RAE1: variants seen among roughly 807,000 people sequenced by gnomAD.
The protein encoded by RAE1 is mRNA export factor RAE1.
Under a neutral mutation model 52.7 loss-of-function variants are expected in RAE1, and 13 were observed. The ratio of observed to expected loss-of-function variants is 0.25; its 90% CI spans 0.16 to 0.39. The LOEUF is 0.39. RAE1 is among the 10% of genes least tolerant of loss of function. RAE1 has a pLI of 1.00. For missense variants in RAE1, 262 were observed against 459.8 expected, an observed-to-expected ratio of 0.57 and a Z score of 3.93; for synonymous variants, 164 against 153.1, an observed-to-expected ratio of 1.07 and a Z score of -0.52.
At chr20:57,359,176 C>T in intron 4 of RAE1, 1 of 493,016 alleles carries the variant, frequency 2.0e-6, no homozygotes, top group Non-Finnish European at 3.3e-6. Flanking sequence ...TTTTGGTAAA[C>T]AGGCGGGGTA....
intron 4 of RAE1, among the ~76,000 whole-genome samples, chr20:57,360,775 T>G (rs1055939675): frequency 1.3e-5 from 2 of 152,198 alleles, no homozygotes; most frequent in Non-Finnish European, 2.9e-5. Flanking sequence ...TAAATATTAG[T>G]ATAGCTTAGT....
intron 4 of RAE1, chr20:57,357,751 C>G (rs1439043101): frequency 6.6e-6 from 1 of 151,512 alleles, no homozygotes; most frequent in African/African-American, 2.5e-5. Context: ...GATGTTGAAG[C>G]CTGAGACTAA....
At chr20:57,356,582 C>G in intron 4 of RAE1, 44 bp downstream of exon 4, 1 of 1,493,396 alleles carries the variant, frequency 6.7e-7, no homozygotes, top group African/African-American at 1.4e-5. Context: ...ACTTAAAGTA[C>G]AGAATGATTT....
At position 57,370,650 on chromosome 20, in the gene RAE1, A is replaced by C. The variant is rs536214890; in HGVS notation, c.642+1838A>C. Among the ~76,000 whole-genome samples the C allele has an allele frequency of 3.0e-3, 450 of 152,230 alleles. 2 individuals carry two copies. The highest frequency in any genetic ancestry group is 0.01 in the African/African-American group (428 of 41,516). On this transcript the variant is annotated intron_variant, in intron 8 of 11. Coordinates refer to ENST00000395841, the MANE Select transcript of RAE1 (RefSeq NM_003610.4). ...CTACATTCTGTAGCTCTTTATTCAC[A>C]TGTTACCCTTGCCTCAGGATTCTCC...
intron 4 of RAE1, chr20:57,358,226 T>C (rs1009040744): frequency 2.0e-5 from 3 of 152,174 alleles, no homozygotes; most frequent in Non-Finnish European, 4.4e-5. Context: ...CATCAAAAAA[T>C]GGTTCAAGCA....
intron 11 of RAE1, among the ~76,000 whole-genome samples, chr20:57,377,786 ACT>A (rs1369816594): frequency 2.0e-5 from 3 of 148,894 alleles, no homozygotes; most frequent in Admixed American, 1.3e-4. Flanking sequence ...CTACTCACAG[ACT>A]CTCTCAGTAG....
intron 4 of RAE1, among the ~76,000 whole-genome samples, chr20:57,361,253 G>T (rs2066888289): frequency 6.6e-6 from 1 of 152,116 alleles, no homozygotes; most frequent in South Asian, 2.1e-4. Context: ...ACTTTCAGAG[G>T]GTTATGCTCA....
Position 57,354,111 on chromosome 20 carries a change from A to G in RAE1, c.73A>G (p.Asn25Asp), listed in dbSNP as rs764416874. The change falls in exon 2 of 12, where the codon AAT (asparagine) becomes GAT (aspartate). Residue 25 changes from asparagine to aspartate, a missense_variant. By Grantham distance (23) the Asn-to-Asp change is conservative. Coordinates refer to ENST00000395841, the MANE Select transcript of RAE1 (RefSeq NM_003610.4). ...TSMFGSATTD[N>D]HNPMKDIEVT... is the part of the protein sequence containing the mutation. ...CATGTTTGGCAGTGCAACTACAGAC[A>G]ATCACAATCCCATGAAGGTACCACG... is the stretch of plus-strand genomic sequence containing the variant. 9 of 1,613,972 alleles carry G rather than the reference A, an allele frequency of 5.6e-6. No homozygotes were observed. Among genetic ancestry groups the G allele is most frequent in the Non-Finnish European group, 1.7e-6 (2 of 1,179,924 alleles).
At chr20:57,367,739 C>CAAAAA (rs374097734) in intron 7 of RAE1, among the ~76,000 whole-genome samples, 1 of 68,118 alleles carries the variant, frequency 1.5e-5, no homozygotes, top group African/African-American at 4.7e-5. Flanking sequence ...GATACTATCT[C>CAAAAA]AAAAAAAAAA....
At chr20:57,351,488 C>T in intron 1 of RAE1, 66 bp downstream of exon 1, 1 of 985,444 alleles carries the variant, frequency 1.0e-6, no homozygotes, top group Non-Finnish European at 1.2e-6. Flanking sequence ...GGCCGAGTTG[C>T]CTCCCGGGAG....
chr20:57,352,386 C>G (rs560555056), intron 1 of RAE1, among the ~76,000 whole-genome samples: 2 of 152,228 alleles, frequency 1.3e-5, no homozygotes, highest in African/African-American at 4.8e-5. Context: ...TAGGTTTGCT[C>G]CAAGGCAGGG....
In RAE1 at chr20:57,367,020, C is replaced by A. The variant is rs1366951966; in HGVS notation, c.475C>A (p.Arg159=). ...TTTTTGCTTTTAGTTTTGGGATACT[C>A]GATCGTCAAATCCTATGATGGTTTT... is the stretch of plus-strand genomic sequence containing the variant. ...WDKTLKFWDT[R]SSNPMMVLQL... Residue 159 remains arginine (R), a synonymous_variant, in exon 7 of 12, where the codon CGA becomes AGA. Transcript: ENST00000395841. The A allele has an allele frequency of 3.7e-6, 6 of 1,609,964 alleles. No homozygotes were observed. In the Admixed American group the frequency reaches 1.0e-4, roughly 27 times the overall value.
intron 11 of RAE1, chr20:57,375,180 G>A (rs990178045): frequency 5.4e-5 from 33 of 614,856 alleles, no homozygotes; most frequent in Non-Finnish European, 9.0e-5. Context: ...GGGGGAGTTA[G>A]GAGCTGGCAG....
chr20:57,359,030 G>C (rs1373465591), intron 4 of RAE1: 8 of 1,517,194 alleles, frequency 5.3e-6, no homozygotes, highest in Admixed American at 2.1e-5. Flanking sequence ...CTGAACCTTC[G>C]TGTGGCCATT....
Position 57,378,081 on chromosome 20 carries a change from G to A in RAE1, c.1089G>A (p.Lys363=). 6.2e-7 allele frequency: 1 copy of A among 1,611,870 alleles called. No homozygotes were observed. The highest frequency in any genetic ancestry group is 1.1e-5 in the South Asian group (1 of 90,812). The stretch of plus-strand genomic sequence containing the variant: ...TGCGTAATGCAGCCGAAGAGCTAAA[G>A]CCCAGGAATAAGAAGTAGTGGCTGG... ...IFLRNAAEEL[K]PRNKK The change falls in exon 12 of 12, where the codon AAG becomes AAA. Residue 363 remains lysine (K), a synonymous_variant. Coordinates refer to ENST00000395841, the MANE Select transcript of RAE1 (RefSeq NM_003610.4).
chr20:57,374,852 T>G (rs878879817), intron 11 of RAE1, 51 bp downstream of exon 11: 1 of 1,605,114 alleles, frequency 6.2e-7, no homozygotes, highest in Non-Finnish European at 8.5e-7. Context: ...AGAGCCAGGC[T>G]CTGGGTTCAG....
At chr20:57,370,952 C>T (rs192988311) in intron 8 of RAE1, among the ~76,000 whole-genome samples, 27 of 152,342 alleles carry the variant, frequency 1.8e-4, no homozygotes, top group African/African-American at 5.8e-4. Context: ...TCAATGGGAC[C>T]TCCATCTCCT....
rs1214303721 is a variant in RAE1 at position 57,367,456 on chromosome 20, T to C, written c.534+377T>C. On this transcript the variant is annotated intron_variant, in intron 7 of 11. Transcript: ENST00000395841. ...TTCTGAGTGGGATAGAAATTGAACTTTCTCGGCCAGGCATGGTAGCTCACG... is the reference window on the plus strand; with the variant it reads ...TTCTGAGTGGGATAGAAATTGAACTCTCTCGGCCAGGCATGGTAGCTCACG... Among the ~76,000 whole-genome samples, 3 of 151,962 alleles carry C rather than the reference T, an allele frequency of 2.0e-5. No homozygotes were observed. The Admixed American group carries it at 2.0e-4, about 10-fold the overall frequency.
chr20:57,352,520 T>G (rs2066725110), intron 1 of RAE1, among the ~76,000 whole-genome samples: 1 of 152,154 alleles, frequency 6.6e-6, no homozygotes, highest in Admixed American at 6.5e-5. Flanking sequence ...CTTCTGAACT[T>G]TGGAAGCTTC....
Sources: gnomAD v4.1 joint callset for allele counts (sites outside exome capture counted in the v4.1 genomes callset) on GRCh38, gnomAD v4.1.1 for gene constraint, MANE v1.5 for transcripts, NCBI Gene and HGNC (gene_info 2026-07-23, HGNC 2026-07-21) for gene names.